The following FBXO38 variants were observed in gnomAD, a reference collection of about 807,000 sequenced individuals.
FBXO38 encodes the protein F-box protein 38.
In FBXO38, 53 loss-of-function variants were observed where a neutral mutation model predicts 131.9. The observed-to-expected ratio is 0.40, with a 90% confidence interval of 0.32 to 0.51. The LOEUF is 0.51. Among genes scored for constraint, FBXO38 ranks in the 20% least tolerant of loss-of-function variants. FBXO38 has a pLI of 0.53. For synonymous variants in FBXO38, 452 were observed against 505.6 expected, an observed-to-expected ratio of 0.89 and a Z score of 1.42; for missense variants, 1,076 against 1,475.6, an observed-to-expected ratio of 0.73 and a Z score of 4.44.
intron 17 of FBXO38, among the ~76,000 whole-genome samples, chr5:148,435,668 G>T (rs2113655164): frequency 6.6e-6 from 1 of 152,322 alleles, no homozygotes; most frequent in East Asian, 1.9e-4. Flanking sequence ...TACTAGGGAG[G>T]CTGAGGCAGG....
Position 148,442,108 on chromosome 5 carries a change from T to C in FBXO38, c.3528T>C (p.Cys1176=), listed in dbSNP as rs1168641854. ...TAGTGGCAATTTTTATCCACTATTGTGATGTCAATGGAGAGCCAGTTGAAG... is the reference window on the plus strand; with the variant it reads ...TAGTGGCAATTTTTATCCACTATTGCGATGTCAATGGAGAGCCAGTTGAAG... The part of the protein sequence containing the change: ...QRVVAIFIHY[C]DVNGEPVEDD... Residue 1176 remains cysteine, a synonymous_variant, in exon 22 of 22, where the codon TGT becomes TGC. Coordinates refer to ENST00000340253, the MANE Select transcript of FBXO38 (RefSeq NM_205836.3). 6.2e-7 allele frequency: 1 copy of C among 1,614,152 alleles called. No homozygotes were observed. Among genetic ancestry groups the C allele is most frequent in the Non-Finnish European group, 8.5e-7 (1 of 1,179,984 alleles).
chr5:148,398,468 A>G (rs1751944266), intron 2 of FBXO38, among the ~76,000 whole-genome samples: 1 of 151,900 alleles, frequency 6.6e-6, no homozygotes, highest in South Asian at 2.1e-4. Context: ...GGGAAAAGAA[A>G]TTGTGTACTA....
At position 148,421,101 on chromosome 5, in the gene FBXO38, G is replaced by C. The variant is rs1394477166; in HGVS notation, c.1619-2897G>C. Among the ~76,000 whole-genome samples, 8 of 152,116 alleles carry C rather than the reference G, an allele frequency of 5.3e-5. No individual in the cohort carries two copies. In the South Asian group the frequency reaches 8.3e-4, roughly 16 times the overall value. ...CCTGCCTCAGCCTCCCGATTAGCTGGGACTATAGGCGCGTGCCATCACACC... is the reference window on the plus strand; with the variant it reads ...CCTGCCTCAGCCTCCCGATTAGCTGCGACTATAGGCGCGTGCCATCACACC... On this transcript the variant is annotated intron_variant, in intron 12 of 21. Coordinates refer to ENST00000340253, the MANE Select transcript of FBXO38 (RefSeq NM_205836.3).
At chr5:148,423,832 T>C (rs1391385014) in intron 12 of FBXO38, 166 bp from the exon 13 acceptor site, 1 of 530,258 alleles carries the variant, frequency 1.9e-6, no homozygotes, top group African/African-American at 1.9e-5. Context: ...AAATACTTCT[T>C]AATATCTGCA....
chr5:148,413,154 A>G (rs1282018502), intron 9 of FBXO38: 1 of 152,162 alleles, frequency 6.6e-6, no homozygotes, highest in African/African-American at 2.4e-5. Context: ...CTAAATTGTA[A>G]AGGATGGATT....
intron 12 of FBXO38, among the ~76,000 whole-genome samples, chr5:148,421,475 ATTAAT>A (rs571797899): frequency 7.4e-4 from 113 of 152,314 alleles, no homozygotes; most frequent in Non-Finnish European, 1.5e-3. Flanking sequence ...ATAAATTTCT[ATTAAT>A]TTATGCAACA....
intron 20 of FBXO38, 139 bp downstream of exon 20, chr5:148,440,666 C>T (rs955683600): frequency 7.0e-6 from 4 of 574,302 alleles, no homozygotes; most frequent in Non-Finnish European, 1.2e-5. Context: ...AAAACCTGGC[C>T]CTTTCTCATT....
intron 12 of FBXO38, chr5:148,423,753 T>A (rs1368950699): frequency 3.7e-6 from 1 of 271,756 alleles, no homozygotes; most frequent in Non-Finnish European, 7.0e-6. Flanking sequence ...TGAGTTTGTA[T>A]GAGTTTGATG....
At chr5:148,438,213 A>G in intron 17 of FBXO38, 119 bp from the exon 18 acceptor site, 2 of 839,658 alleles carry the variant, frequency 2.4e-6, no homozygotes, top group Non-Finnish European at 1.8e-6. Flanking sequence ...TTTGTACTCT[A>G]TGATATTATT....
intron 12 of FBXO38, among the ~76,000 whole-genome samples, chr5:148,423,374 C>A (rs1016891794): frequency 6.6e-6 from 1 of 152,046 alleles, no homozygotes; most frequent in African/African-American, 2.4e-5. Flanking sequence ...AAGATTGCTA[C>A]GAGAAATAAA....
At chr5:148,432,019 C>A (rs1215735782) in intron 15 of FBXO38, among the ~76,000 whole-genome samples, 1 of 152,162 alleles carries the variant, frequency 6.6e-6, no homozygotes, top group African/African-American at 2.4e-5. Context: ...CCATCTGACC[C>A]CAAGCCTTTA....
rs769897494 is a variant in FBXO38, at chr5:148,427,513, G to A, written c.2219G>A (p.Ser740Asn). Residue 740 changes from serine (S) to asparagine (N), a missense_variant, in exon 15 of 22, where the codon AGC (serine) becomes AAC (asparagine). Ser to Asn is a conservative substitution (Grantham distance 46, BLOSUM62 1). Transcript: ENST00000340253. ...TVNSGGSSEP[S>N]PTEVDVSRQC... ...AACAGCGGCGGCTCTTCCGAGCCTA[G>A]CCCTACAGAAGTGGATGTGTCCAGG... 1.9e-6 allele frequency: 3 copies of A among 1,614,200 alleles called. No individual in the cohort carries two copies. The highest frequency in any genetic ancestry group is 3.3e-5 in the Admixed American group (2 of 60,034).
intron 1 of FBXO38, among the ~76,000 whole-genome samples, chr5:148,390,361 C>A (rs1206449565): frequency 2.0e-5 from 3 of 152,158 alleles, no homozygotes; most frequent in Non-Finnish European, 4.4e-5. Context: ...TAAGTCCTGT[C>A]AATCTCCTAT....
intron 11 of FBXO38, 64 bp downstream of exon 11, chr5:148,416,134 ATTTT>A: frequency 2.5e-6 from 3 of 1,195,858 alleles, no homozygotes; most frequent in Non-Finnish European, 3.4e-6. Context: ...ACAGCCTGTG[ATTTT>A]TTTTTTTTTT....
chr5:148,429,756 A>G (rs1310541561), intron 15 of FBXO38, among the ~76,000 whole-genome samples: 1 of 152,080 alleles, frequency 6.6e-6, no homozygotes, highest in East Asian at 1.9e-4. Flanking sequence ...TTTAATACAG[A>G]GCCTTCATAT....
intron 14 of FBXO38, 53 bp from the exon 15 acceptor site, chr5:148,427,160 T>A (rs1753758004): frequency 1.3e-6 from 2 of 1,529,764 alleles, no homozygotes; most frequent in Non-Finnish European, 1.8e-6. Context: ...TGTCCAGAAT[T>A]TATACTGAAA....
chr5:148,410,614 G>A (rs1581250695), intron 8 of FBXO38, 21 bp from the exon 9 acceptor site: 1 of 1,613,484 alleles, frequency 6.2e-7, no homozygotes, highest in East Asian at 2.2e-5. Context: ...ACTCTGATAT[G>A]TTCTCTGTCT....
chr5:148,417,153 A>C lies in FBXO38; in HGVS notation c.1567A>C (p.Asn523His), dbSNP rs1468271814. 2.5e-6 allele frequency: 4 copies of C among 1,613,790 alleles called. No individual in the cohort carries two copies. Among genetic ancestry groups the C allele is most frequent in the African/African-American group, 1.3e-5 (1 of 74,888 alleles). The change falls in exon 12 of 22, where the codon AAT (asparagine) becomes CAT (histidine). Residue 523 changes from asparagine to histidine, a missense_variant. Asn to His is a moderately conservative substitution (Grantham distance 68). Coordinates refer to ENST00000340253, the MANE Select transcript of FBXO38 (RefSeq NM_205836.3). ...HHHPDDSDEE[N>H]DFRQDLQPGE... ...TCATCCAGATGACTCAGACGAGGAG[A>C]ATGACTTTCGGCAAGATCTGCAGCC... is the stretch of plus-strand genomic sequence containing the variant.
At chr5:148,426,045 A>G (rs1753697372) in intron 14 of FBXO38, among the ~76,000 whole-genome samples, 2 of 152,222 alleles carry the variant, frequency 1.3e-5, no homozygotes, top group South Asian at 4.1e-4. Flanking sequence ...AAAAGCAACC[A>G]TTCCCCAGTT....
Sources: allele counts gnomAD v4.1 joint callset (sites outside exome capture counted in the v4.1 genomes callset), GRCh38; gene constraint gnomAD v4.1.1; transcripts MANE v1.5; gene names NCBI Gene and HGNC (gene_info 2026-07-23, HGNC 2026-07-21).